The following RALGAPB variants were observed in gnomAD, a reference collection of about 807,000 sequenced individuals.
The protein encoded by RALGAPB is Ral GTPase activating protein non-catalytic subunit beta.
A neutral mutation model predicts 161.1 loss-of-function variants in RALGAPB; 25 were observed. The observed-to-expected ratio is 0.16, with a 90% CI of 0.11 to 0.22. RALGAPB has a LOEUF of 0.22. Ranked by LOEUF, RALGAPB falls within the 10% of genes least tolerant of loss-of-function variation. The pLI is 1.00. For synonymous variants in RALGAPB, 629 were observed against 626.1 expected (o/e 1.00, Z -0.07); for missense variants, 1,391 against 1,815.2 (o/e 0.77, Z 4.25).
intron 1 of RALGAPB, among the ~76,000 whole-genome samples, chr20:38,480,737 C>T (rs1471032953): frequency 3.9e-5 from 5 of 128,926 alleles, no homozygotes; most frequent in African/African-American, 1.2e-4. Flanking sequence ...CCACCCCCGC[C>T]CCCCCCTTTT....
rs1479699566 is a variant in RALGAPB, at chr20:38,562,643, G to A, written c.3643G>A (p.Val1215Ile). Residue 1215 changes from valine to isoleucine, a missense_variant, in exon 24 of 30, where the codon GTT (valine) becomes ATT (isoleucine). By Grantham distance (29) the Val-to-Ile change is conservative. Coordinates refer to ENST00000262879, the MANE Select transcript of RALGAPB (RefSeq NM_020336.4). ...VGRHPGWTGH[V>I]STSWSINCCD... ...CAGACACCCTGGTTGGACTGGGCAT[G>A]TTTCTACCAGTTGGTCTATTAATTG... 6.2e-7 allele frequency: 1 copy of A among 1,613,902 alleles called. No individual in the cohort carries two copies. Among genetic ancestry groups the A allele is most frequent in the Non-Finnish European group, 8.5e-7 (1 of 1,179,908 alleles).
At chr20:38,546,676 T>G in intron 19 of RALGAPB, 1 of 475,020 alleles carries the variant, frequency 2.1e-6, no homozygotes, top group Non-Finnish European at 3.8e-6. Flanking sequence ...AAAGGTGGTG[T>G]TTTAGTGGGT....
At chr20:38,540,125 C>T (rs976361316) in intron 17 of RALGAPB, among the ~76,000 whole-genome samples, 167 bp downstream of exon 17, 2 of 152,182 alleles carry the variant, frequency 1.3e-5, no homozygotes, top group East Asian at 3.8e-4. Flanking sequence ...AACTTGAAAA[C>T]TGTCATTTTG....
At position 38,525,459 on chromosome 20, in the gene RALGAPB, A is replaced by G; in HGVS notation, c.1843A>G (p.Ile615Val). 6.2e-7 allele frequency: 1 copy of G among 1,605,848 alleles called. No individual in the cohort carries two copies. The highest frequency in any genetic ancestry group is 8.5e-7 in the Non-Finnish European group (1 of 1,177,936). Reference sequence around the variant, plus strand: ...TCCAACAGAATTGCGAAGATCCTCCATTAATATCCTGCTTTCTTTGTTGCC... The same window carrying G: ...TCCAACAGAATTGCGAAGATCCTCCGTTAATATCCTGCTTTCTTTGTTGCC... ...VNPTELRRSS[I>V]NILLSLLPLP... Residue 615 changes from isoleucine (I) to valine (V), a missense_variant, in exon 12 of 30, where the codon ATT becomes GTT. Transcript: ENST00000262879.
chr20:38,516,046 T>A (rs1486074094), intron 6 of RALGAPB, 146 bp from the exon 7 acceptor site: 13 of 590,690 alleles, frequency 2.2e-5, no homozygotes, highest in Middle Eastern at 4.4e-4. Flanking sequence ...GTGTTGAGAT[T>A]TGAATCGCTG....
chr20:38,538,141 C>A, intron 16 of RALGAPB: 1 of 161,986 alleles, frequency 6.2e-6, no homozygotes, highest in East Asian at 1.5e-4. Flanking sequence ...GAGAGTGGGG[C>A]AAGAGCTACG....
At chr20:38,526,209 G>A (rs1380436571) in intron 13 of RALGAPB, among the ~76,000 whole-genome samples, 167 bp downstream of exon 13, 1 of 152,154 alleles carries the variant, frequency 6.6e-6, no homozygotes, top group Non-Finnish European at 1.5e-5. Context: ...AAAGCAGTGA[G>A]ATGAGGGAAG....
At chr20:38,520,297 C>G (rs1447968597) in intron 9 of RALGAPB, 1 of 856,188 alleles carries the variant, frequency 1.2e-6, no homozygotes, top group African/African-American at 1.8e-5. Flanking sequence ...CCAGAAGCTT[C>G]TCCTTAATTG....
intron 4 of RALGAPB, among the ~76,000 whole-genome samples, chr20:38,497,938 A>G (rs1484341197): frequency 6.6e-6 from 1 of 152,068 alleles, no homozygotes; most frequent in Non-Finnish European, 1.5e-5. Flanking sequence ...GCGTGGTGGC[A>G]CACACCTATA....
At chr20:38,480,263 T>C (rs920891504) in intron 1 of RALGAPB, among the ~76,000 whole-genome samples, 19 of 152,004 alleles carry the variant, frequency 1.2e-4, no homozygotes, top group Non-Finnish European at 2.6e-4. Flanking sequence ...CTTTGAAACC[T>C]TACCACCTTC....
chr20:38,521,337 A>G (rs1320765968), intron 9 of RALGAPB, among the ~76,000 whole-genome samples, 160 bp from the exon 10 acceptor site: 1 of 152,194 alleles, frequency 6.6e-6, no homozygotes, highest in Admixed American at 6.5e-5. Flanking sequence ...GATTTCAGAG[A>G]GCCCTTTTTA....
intron 20 of RALGAPB, among the ~76,000 whole-genome samples, chr20:38,549,138 G>A (rs753729574): frequency 6.6e-6 from 1 of 152,000 alleles, no homozygotes; most frequent in African/African-American, 2.4e-5. Flanking sequence ...AAAATTTGGT[G>A]GGACTTTTGA....
chr20:38,569,399 G>T (rs2088142604), intron 26 of RALGAPB: 1 of 155,428 alleles, frequency 6.4e-6, no homozygotes, highest in Non-Finnish European at 1.4e-5. Flanking sequence ...CAAACAACTC[G>T]TTTTTCTTTC....
At chr20:38,571,575 G>A (rs187803446) in intron 28 of RALGAPB, among the ~76,000 whole-genome samples, 1 of 152,146 alleles carries the variant, frequency 6.6e-6, no homozygotes, top group Non-Finnish European at 1.5e-5. Flanking sequence ...CATTGTATGT[G>A]TACACCACAT....
intron 23 of RALGAPB, among the ~76,000 whole-genome samples, chr20:38,561,807 C>G (rs1405864481): frequency 6.6e-6 from 1 of 152,182 alleles, no homozygotes; most frequent in East Asian, 1.9e-4. Context: ...TCTTTGGCCT[C>G]TACCACTAGA....
In RALGAPB at chr20:38,578,350, A is replaced by AAT. The variant is rs1163696260; in HGVS notation, c.*3386_*3387dup. On this transcript the variant is annotated 3_prime_UTR_variant, in exon 30 of 30. Coordinates refer to ENST00000262879, the MANE Select transcript of RALGAPB (RefSeq NM_020336.4). Reference sequence around the variant, plus strand: ...CATGTACTTCTAGTGTGTTTCTCAGAATATCAACTCATGTTCTTCAGATGC... The same window carrying AAT: ...CATGTACTTCTAGTGTGTTTCTCAGAATATATCAACTCATGTTCTTCAGATGC... 1.3e-5 allele frequency: 2 copies of AAT among 152,242 alleles called. No homozygotes were observed. The highest frequency in any genetic ancestry group is 4.8e-5 in the African/African-American group (2 of 41,448). The allele number at this position is 152,242 out of a possible 1,614,324, so 9.4% of individuals were successfully genotyped here. A position where few individuals can be genotyped will look rare whatever the true frequency, so the allele number is the denominator to read the frequency against.
chr20:38,526,062 T>A lies in RALGAPB; in HGVS notation c.2050+20T>A. 2 of 1,612,936 alleles carry A rather than the reference T, an allele frequency of 1.2e-6. No individual in the cohort carries two copies. Among genetic ancestry groups the A allele is most frequent in the Non-Finnish European group, 1.7e-6 (2 of 1,179,596 alleles). ...TATTAGGTTTGTATTCACACGTTAT[T>A]TTGTAAGTGAAACCAAAGTACTGTT... On this transcript the variant is annotated intron_variant, in intron 13 of 29. Transcript: ENST00000262879.
At chr20:38,489,863 C>T (rs1256360317) in intron 2 of RALGAPB, among the ~76,000 whole-genome samples, 1 of 152,162 alleles carries the variant, frequency 6.6e-6, no homozygotes, top group Non-Finnish European at 1.5e-5. Flanking sequence ...CCTAGTGTTT[C>T]TCTTCCTGGT....
At chr20:38,550,320 T>A (rs954903763) in intron 20 of RALGAPB, among the ~76,000 whole-genome samples, 2 of 152,178 alleles carry the variant, frequency 1.3e-5, no homozygotes, top group African/African-American at 4.8e-5. Flanking sequence ...TTAAAAAAAA[T>A]TTAAAATGTG....
Sources: gnomAD v4.1 joint callset for allele counts (sites outside exome capture counted in the v4.1 genomes callset) on GRCh38, gnomAD v4.1.1 for gene constraint, MANE v1.5 for transcripts, NCBI Gene and HGNC (gene_info 2026-07-23, HGNC 2026-07-21) for gene names.